ANO6: variants seen among roughly 807,000 people sequenced by gnomAD.
The protein encoded by ANO6 is anoctamin-6.
ANO6 carries 106 observed loss-of-function variants against 117.5 expected under a neutral mutation model. That is an observed-to-expected ratio of 0.90 (90% CI 0.77 to 1.06). The LOEUF (loss-of-function observed/expected upper bound fraction) is 1.06, where lower values mean the gene tolerates loss of function less well. Ranked by LOEUF, ANO6 falls within the 50% of genes least tolerant of loss-of-function variation. The pLI is 0.00. For missense variants in ANO6, 955 were observed against 1,121.1 expected, an observed-to-expected ratio of 0.85 and a Z score of 2.12; for synonymous variants, 367 against 385.1, an observed-to-expected ratio of 0.95 and a Z score of 0.55.
chr12:45,252,246 A>G (rs1056092595), intron 1 of ANO6, among the ~76,000 whole-genome samples: 2 of 152,250 alleles, frequency 1.3e-5, no homozygotes, highest in Non-Finnish European at 2.9e-5. Flanking sequence ...GAAAATAGCA[A>G]TTTATGATTA....
At chr12:45,258,818 T>C (rs1326105043) in intron 1 of ANO6, among the ~76,000 whole-genome samples, 3 of 152,246 alleles carry the variant, frequency 2.0e-5, no homozygotes, top group Non-Finnish European at 4.4e-5. Flanking sequence ...TCCTCCAGAA[T>C]AGAGACTGTA....
At chr12:45,292,431 A>G (rs570131551) in intron 1 of ANO6, among the ~76,000 whole-genome samples, 1 of 152,326 alleles carries the variant, frequency 6.6e-6, no homozygotes, top group African/African-American at 2.4e-5. Context: ...TTGCCACTGA[A>G]TTATATATTT....
chr12:45,347,474 C>A (rs1343694603), intron 4 of ANO6: 2 of 205,162 alleles, frequency 9.7e-6, no homozygotes, highest in Admixed American at 5.5e-5. Context: ...CTGTTTTACT[C>A]AAAAATATAT....
intron 18 of ANO6, among the ~76,000 whole-genome samples, chr12:45,421,852 T>C (rs1199622637): frequency 6.6e-6 from 1 of 152,340 alleles, no homozygotes; most frequent in East Asian, 1.9e-4. Context: ...GTGGACAGTA[T>C]GTACCAGGTA....
At chr12:45,356,331 G>GT (rs1016564910) in intron 7 of ANO6, among the ~76,000 whole-genome samples, 2 of 151,856 alleles carry the variant, frequency 1.3e-5, no homozygotes, top group Admixed American at 6.6e-5. Flanking sequence ...CAAATTAGTG[G>GT]TTTTTTTTCT....
At chr12:45,324,198 G>T (rs1940384993) in intron 2 of ANO6, among the ~76,000 whole-genome samples, 1 of 152,042 alleles carries the variant, frequency 6.6e-6, no homozygotes, top group Non-Finnish European at 1.5e-5. Flanking sequence ...CTCCCAAAGT[G>T]CTGGGATTAC....
At chr12:45,406,420 G>A (rs1433719189) in intron 15 of ANO6, among the ~76,000 whole-genome samples, 1 of 152,092 alleles carries the variant, frequency 6.6e-6, no homozygotes, top group African/African-American at 2.4e-5. Context: ...AACTCACTCT[G>A]GAGAAATTTT....
intron 12 of ANO6, among the ~76,000 whole-genome samples, chr12:45,391,848 G>A (rs917886812): frequency 1.3e-5 from 2 of 152,184 alleles, no homozygotes; most frequent in African/African-American, 4.8e-5. Context: ...GACAGAGTGA[G>A]ACTCTGTCTC....
At chr12:45,258,285 C>G (rs940187789) in intron 1 of ANO6, among the ~76,000 whole-genome samples, 8 of 152,160 alleles carry the variant, frequency 5.3e-5, no homozygotes, top group African/African-American at 1.9e-4. Context: ...AAGTAGAATA[C>G]AAACCACAGT....
At chr12:45,358,444 C>T (rs555039526) in intron 8 of ANO6, among the ~76,000 whole-genome samples, 1 of 151,976 alleles carries the variant, frequency 6.6e-6, no homozygotes, top group South Asian at 2.1e-4. Flanking sequence ...TTGTCTTCAG[C>T]TTCTCTGTTG....
rs1026859776 is a variant in ANO6, at chr12:45,400,436, G to A, written c.1387-1359G>A. Among the ~76,000 whole-genome samples the A allele has an allele frequency of 2.6e-5, 4 of 152,104 alleles. No individual in the cohort carries two copies. In the East Asian group the frequency reaches 7.7e-4, roughly 29 times the overall value. Reference sequence around the variant, plus strand: ...CTCACAAGTGTTGAGACTTAACTGCGAAAGGAAATAGATTACAGGAGAAAT... The same window carrying A: ...CTCACAAGTGTTGAGACTTAACTGCAAAAGGAAATAGATTACAGGAGAAAT... On this transcript the variant is annotated intron_variant, in intron 12 of 19. Transcript: ENST00000320560.
chr12:45,275,206 T>G (rs1369605174), intron 1 of ANO6, among the ~76,000 whole-genome samples: 1 of 152,100 alleles, frequency 6.6e-6, no homozygotes, highest in Non-Finnish European at 1.5e-5. Context: ...CTCCTTTTAT[T>G]TATTTTTTTA....
chr12:45,250,579 T>A (rs1466820911), intron 1 of ANO6, among the ~76,000 whole-genome samples: 1 of 151,686 alleles, frequency 6.6e-6, no homozygotes, highest in East Asian at 1.9e-4. Flanking sequence ...TTTGTTGTTG[T>A]TGTTGTTGAG....
intron 19 of ANO6, among the ~76,000 whole-genome samples, chr12:45,423,842 T>A (rs562616525): frequency 6.6e-6 from 1 of 152,304 alleles, no homozygotes; most frequent in Non-Finnish European, 1.5e-5. Context: ...CAGGAAAGAA[T>A]GCTTTGCCAG....
At chr12:45,271,158 A>G (rs1938382546) in intron 1 of ANO6, among the ~76,000 whole-genome samples, 1 of 152,232 alleles carries the variant, frequency 6.6e-6, no homozygotes, top group Non-Finnish European at 1.5e-5. Flanking sequence ...TGATGACAAA[A>G]TAATGAAAAC....
intron 6 of ANO6, 86 bp downstream of exon 6, chr12:45,348,717 A>G: frequency 1.0e-6 from 1 of 991,066 alleles, no homozygotes; most frequent in African/African-American, 1.6e-5. Flanking sequence ...CCTGACTGTA[A>G]GTTTCTTCCT....
At chr12:45,353,593 AC>A (rs1274260608) in intron 7 of ANO6, among the ~76,000 whole-genome samples, 1 of 152,056 alleles carries the variant, frequency 6.6e-6, no homozygotes, top group Non-Finnish European at 1.5e-5. Context: ...CCCACTAGTA[AC>A]CCCTTGAGCA....
intron 1 of ANO6, among the ~76,000 whole-genome samples, chr12:45,255,241 G>C (rs183778366): frequency 6.2e-4 from 94 of 152,242 alleles, no homozygotes; most frequent in African/African-American, 2.2e-3. Flanking sequence ...TTAGAGATTA[G>C]TCATCATTAG....
chr12:45,432,940 G>C (rs1463876150), downstream of ANO6, among the ~76,000 whole-genome samples: 1 of 152,156 alleles, frequency 6.6e-6, no homozygotes, highest in Non-Finnish European at 1.5e-5. Context: ...ATCTGCAATA[G>C]TCAGCCCAGA....
Sources: allele counts gnomAD v4.1 joint callset (sites outside exome capture counted in the v4.1 genomes callset), GRCh38; gene constraint gnomAD v4.1.1; transcripts MANE v1.5; gene names NCBI Gene and HGNC (gene_info 2026-07-23, HGNC 2026-07-21).